Variants in ZC3H12B observed in about 807,000 individuals in gnomAD.
ZC3H12B encodes the protein probable ribonuclease ZC3H12B.
In ZC3H12B, 7 loss-of-function variants were observed where a neutral mutation model predicts 43.9. The ratio of observed to expected loss-of-function variants is 0.16; its 90% CI spans 0.09 to 0.30. ZC3H12B has a LOEUF of 0.30. Ranked by LOEUF, ZC3H12B falls within the 10% of genes least tolerant of loss-of-function variation. The pLI is 1.00. For missense variants in ZC3H12B, 475 were observed against 670.2 expected (o/e 0.71, Z 3.22); for synonymous variants, 222 against 241.7 (o/e 0.92, Z 0.76).
chrX:65,178,461 T>A, the ZC3H12B span, among the ~76,000 whole-genome samples: 4 of 112,092 alleles, frequency 3.6e-5, no homozygotes, highest in Non-Finnish European at 7.5e-5. Flanking sequence ...CAAACTATCA[T>A]CAGATTGAAC....
At chrX:65,213,683 T>C in the ZC3H12B span, among the ~76,000 whole-genome samples, 20 of 110,552 alleles carry the variant, frequency 1.8e-4, no homozygotes, top group Middle Eastern at 4.6e-3. Flanking sequence ...AAATTACTGA[T>C]GAATTTCAGC....
At chrX:65,109,191 C>T in the ZC3H12B span, among the ~76,000 whole-genome samples, 1 of 111,539 alleles carries the variant, frequency 9.0e-6, no homozygotes, top group East Asian at 2.8e-4. Context: ...TTGGGGACAC[C>T]TTTACTGAGA....
chrX:65,063,865 T>G, the ZC3H12B span, among the ~76,000 whole-genome samples: 1 of 112,153 alleles, frequency 8.9e-6, no homozygotes, highest in Admixed American at 9.4e-5. Flanking sequence ...GGGATTCAAC[T>G]TCTTCCTGGT....
rs768318678 is a variant in ZC3H12B, at chrX:65,489,124, A to T, written c.323A>T (p.Tyr108Phe). Residue 108 changes from tyrosine (Y) to phenylalanine (F), a missense_variant, in exon 1 of 5, where the codon TAC becomes TTC. Coordinates refer to ENST00000338957, the Ensembl canonical transcript of ZC3H12B. ...GGTAAACTTGACTTGGAGAAGGAAT[A>T]CCAAGCTAAGATGGAGTTTGCGCTA... 3.3e-6 allele frequency: 4 copies of T among 1,210,279 alleles called. No individual in the cohort carries two copies. In the East Asian group the frequency reaches 1.2e-4, roughly 36 times the overall value.
intron 3 of ZC3H12B, among the ~76,000 whole-genome samples, chrX:65,448,623 C>T (rs994560374): frequency 9.0e-6 from 1 of 110,672 alleles, no homozygotes; most frequent in Non-Finnish European, 1.9e-5. Context: ...TTAAGCCCAG[C>T]CTGGCCAACA....
the ZC3H12B span, among the ~76,000 whole-genome samples, chrX:65,104,946 C>A: frequency 8.9e-6 from 1 of 111,756 alleles, no homozygotes; most frequent in African/African-American, 3.3e-5. Context: ...TATAAAGACA[C>A]ATGCACACGT....
intron 3 of ZC3H12B, among the ~76,000 whole-genome samples, chrX:65,451,287 C>A (rs1224847559): frequency 1.8e-5 from 2 of 110,442 alleles, no homozygotes; most frequent in East Asian, 2.8e-4. Flanking sequence ...TTTATAATTT[C>A]TATTTCTTTG....
At chrX:65,192,470 ATAG>A in the ZC3H12B span, among the ~76,000 whole-genome samples, 5 of 111,290 alleles carry the variant, frequency 4.5e-5, no homozygotes, top group Non-Finnish European at 9.4e-5. Context: ...CCTCAGTATG[ATAG>A]TAGCTGTGGG....
the ZC3H12B span, among the ~76,000 whole-genome samples, chrX:65,265,899 CAAAT>C: frequency 1.8e-5 from 2 of 111,478 alleles, no homozygotes; most frequent in East Asian, 2.8e-4. Flanking sequence ...AAAAGGGAAA[CAAAT>C]AAGGTGAGCC....
At chrX:65,216,606 T>C in the ZC3H12B span, among the ~76,000 whole-genome samples, 1 of 111,457 alleles carries the variant, frequency 9.0e-6, no homozygotes, top group South Asian at 3.8e-4. Context: ...GGGCTTGAGA[T>C]ACAACCCAGT....
At chrX:65,178,796 C>A in the ZC3H12B span, among the ~76,000 whole-genome samples, 1 of 112,097 alleles carries the variant, frequency 8.9e-6, no homozygotes, top group Admixed American at 9.4e-5. Flanking sequence ...AATAGGAACA[C>A]TTTTACACTG....
the ZC3H12B span, among the ~76,000 whole-genome samples, chrX:65,201,260 T>C: frequency 4.5e-5 from 5 of 111,641 alleles, no homozygotes; most frequent in African/African-American, 1.6e-4. Flanking sequence ...TTCAATCTGT[T>C]CCTTGTTCAG....
the ZC3H12B span, among the ~76,000 whole-genome samples, chrX:65,095,805 T>C: frequency 9.0e-6 from 1 of 111,094 alleles, no homozygotes; most frequent in Admixed American, 9.6e-5. Context: ...AAGGGGAGGA[T>C]GAAATTGTGC....
At chrX:65,418,821 A>T (rs1159428756) in intron 3 of ZC3H12B, among the ~76,000 whole-genome samples, 1 of 111,807 alleles carries the variant, frequency 8.9e-6, no homozygotes, top group Non-Finnish European at 1.9e-5. Flanking sequence ...TGAAGGGAAG[A>T]TGAGGGCTCC....
chrX:65,185,378 G>A, the ZC3H12B span: 1 of 112,068 alleles, frequency 8.9e-6, no homozygotes, highest in Non-Finnish European at 1.9e-5. Flanking sequence ...TATTGTTCTT[G>A]CAGCTTTCTT....
At chrX:65,114,916 ATTTTTTTT>A in the ZC3H12B span, among the ~76,000 whole-genome samples, 82 of 19,313 alleles carry the variant, frequency 4.2e-3, no homozygotes, top group African/African-American at 0.02. Context: ...GTGTCTCAGG[ATTTTTTTT>A]TTTTTTTTTT....
At chrX:65,242,231 G>A in the ZC3H12B span, among the ~76,000 whole-genome samples, 8 of 111,089 alleles carry the variant, frequency 7.2e-5, no homozygotes, top group East Asian at 2.8e-4. Context: ...TATTTCAGTC[G>A]AAAGTGCTAA....
At chrX:65,058,145 G>A in the ZC3H12B span, among the ~76,000 whole-genome samples, 1 of 111,954 alleles carries the variant, frequency 8.9e-6, no homozygotes, top group African/African-American at 3.3e-5. Flanking sequence ...TCCTTTGGAG[G>A]GGGAGAGGTG....
the ZC3H12B span, among the ~76,000 whole-genome samples, chrX:65,334,377 T>C: frequency 8.9e-6 from 1 of 112,214 alleles, no homozygotes; most frequent in Non-Finnish European, 1.9e-5. Context: ...CTTAAAACAA[T>C]CCTTTAACCC....
Sources: gnomAD v4.1 joint callset for allele counts (sites outside exome capture counted in the v4.1 genomes callset) on GRCh38, gnomAD v4.1.1 for gene constraint, MANE v1.5 for transcripts, NCBI Gene and HGNC (gene_info 2026-07-23, HGNC 2026-07-21) for gene names.